LUZP2: variants seen among roughly 807,000 people sequenced by gnomAD.
The protein encoded by LUZP2 is leucine zipper protein 2.
In LUZP2, 52 loss-of-function variants were observed where a neutral mutation model predicts 51.6. The ratio of observed to expected loss-of-function variants is 1.01; its 90% CI spans 0.81 to 1.27. The LOEUF (loss-of-function observed/expected upper bound fraction) is 1.27, where lower values mean the gene tolerates loss of function less well. Among genes scored for constraint, LUZP2 ranks in the 50% most tolerant of loss-of-function variants. The pLI is 0.00. For synonymous variants in LUZP2, 154 were observed against 137.3 expected (o/e 1.12, Z -0.85); for missense variants, 436 against 395.4 (o/e 1.10, Z -0.87).
chr11:24,936,710 C>T (rs2133842530), intron 7 of LUZP2, among the ~76,000 whole-genome samples: 1 of 152,024 alleles, frequency 6.6e-6, no homozygotes, highest in East Asian at 1.9e-4. Flanking sequence ...TTTCTATAGT[C>T]TTTGTTTCTA....
intron 1 of LUZP2, among the ~76,000 whole-genome samples, chr11:24,639,183 T>C (rs2133941710): frequency 6.6e-6 from 1 of 151,986 alleles, no homozygotes; most frequent in Admixed American, 6.5e-5. Flanking sequence ...TTCACTAAAG[T>C]AGAATCATTT....
chr11:24,897,985 T>G (rs971811602), intron 5 of LUZP2, among the ~76,000 whole-genome samples: 2 of 152,200 alleles, frequency 1.3e-5, no homozygotes, highest in African/African-American at 4.8e-5. Flanking sequence ...GAAATTTGTA[T>G]AGTACACTAT....
chr11:24,708,562 G>A (rs1452548927), intron 1 of LUZP2, among the ~76,000 whole-genome samples: 1 of 152,144 alleles, frequency 6.6e-6, no homozygotes, highest in African/African-American at 2.4e-5. Flanking sequence ...GGCACAGCGA[G>A]TATAGTGCAA....
chr11:24,897,793 T>A (rs1288422380), intron 5 of LUZP2, among the ~76,000 whole-genome samples: 1 of 152,222 alleles, frequency 6.6e-6, no homozygotes, highest in African/African-American at 2.4e-5. Flanking sequence ...TTTATGTTTT[T>A]GTCCTTTTTT....
At chr11:24,719,697 A>G (rs186218427) in intron 1 of LUZP2, among the ~76,000 whole-genome samples, 196 of 152,210 alleles carry the variant, frequency 1.3e-3, no homozygotes, top group Non-Finnish European at 1.6e-3. Flanking sequence ...TATTTACCTG[A>G]CTCTTGAATC....
rs551378011 is a variant in LUZP2 at position 24,503,041 on chromosome 11, C to T, written c.62+5736C>T. ...ATAGTATTGACATTTTTTTTTACTA[C>T]GGAGAACAAATTAAGAATCACTGAT... On this transcript the variant is annotated intron_variant, in intron 1 of 11. Transcript: ENST00000336930. Among the ~76,000 whole-genome samples, 6 of 151,910 alleles carry T rather than the reference C, an allele frequency of 3.9e-5. No individual in the cohort carries two copies. In the South Asian group the frequency reaches 6.2e-4, roughly 16 times the overall value.
At chr11:24,543,056 A>T (rs1030294424) in intron 1 of LUZP2, among the ~76,000 whole-genome samples, 4 of 151,950 alleles carry the variant, frequency 2.6e-5, no homozygotes, top group Non-Finnish European at 5.9e-5. Flanking sequence ...TGTTCATAAC[A>T]CTTTGGGGAA....
chr11:24,738,340 C>A, intron 4 of LUZP2, 38 bp downstream of exon 4: 1 of 1,447,290 alleles, frequency 6.9e-7, no homozygotes, highest in Non-Finnish European at 9.7e-7. Flanking sequence ...TGCTTTTGGG[C>A]TGGGACATTG....
At chr11:24,969,332 T>C (rs933503479) in intron 7 of LUZP2, among the ~76,000 whole-genome samples, 1 of 152,194 alleles carries the variant, frequency 6.6e-6, no homozygotes, top group African/African-American at 2.4e-5. Flanking sequence ...TCAAGAAATA[T>C]AAATATCTAA....
chr11:24,734,587 C>A (rs1287981220), intron 3 of LUZP2, among the ~76,000 whole-genome samples: 1 of 151,632 alleles, frequency 6.6e-6, no homozygotes, highest in Non-Finnish European at 1.5e-5. Context: ...ATGGAAGACT[C>A]AATAAATTAT....
intron 5 of LUZP2, among the ~76,000 whole-genome samples, chr11:24,783,116 G>A (rs554909409): frequency 1.8e-4 from 27 of 151,976 alleles, no homozygotes; most frequent in Admixed American, 8.5e-4. Context: ...ATAAATAACT[G>A]CCTCTTTTAA....
Position 25,082,033 on chromosome 11 carries a change from A to G in LUZP2, c.*3375A>G, listed in dbSNP as rs1285686900. The G allele has an allele frequency of 6.6e-6, 1 of 152,338 alleles. No homozygotes were observed. The highest frequency in any genetic ancestry group is 1.5e-5 in the Non-Finnish European group (1 of 67,996). The allele number at this position is 152,338 out of a possible 1,614,324, so 9.4% of individuals were successfully genotyped here. On this transcript the variant is annotated 3_prime_UTR_variant, in exon 12 of 12. Transcript: ENST00000336930. ...TATGTAAACTGAACCTGTTCCTAAA[A>G]TGCATTAAACTTGAATGCTGTGTCT...
At chr11:24,645,291 G>C (rs870382) in intron 1 of LUZP2, among the ~76,000 whole-genome samples, 74,017 of 151,954 alleles carry the variant, frequency 0.49, 19,745 homozygotes, top group East Asian at 0.84. Flanking sequence ...AAGAGGGAGA[G>C]AAAGAGAGTT....
chr11:24,950,178 A>T (rs1410504346), intron 7 of LUZP2, among the ~76,000 whole-genome samples: 2 of 151,290 alleles, frequency 1.3e-5, no homozygotes, highest in African/African-American at 4.8e-5. Context: ...ATCAATGATG[A>T]ATGGATGGGT....
intron 5 of LUZP2, among the ~76,000 whole-genome samples, chr11:24,870,699 C>G (rs979154223): frequency 2.6e-5 from 4 of 152,046 alleles, no homozygotes; most frequent in Non-Finnish European, 4.4e-5. Flanking sequence ...GAAATTTGGT[C>G]TATTTTTATT....
intron 1 of LUZP2, among the ~76,000 whole-genome samples, chr11:24,707,068 T>A (rs1192973105): frequency 6.6e-6 from 1 of 151,840 alleles, no homozygotes; most frequent in Non-Finnish European, 1.5e-5. Context: ...TATATATAAC[T>A]ATTTACTCAT....
chr11:25,031,677 A>T (rs972633338), intron 9 of LUZP2, among the ~76,000 whole-genome samples: 3 of 150,964 alleles, frequency 2.0e-5, no homozygotes, highest in South Asian at 4.2e-4. Context: ...CAGCTTTTAA[A>T]TTTTTTTTTG....
chr11:24,839,952 C>G (rs115465313), intron 5 of LUZP2, among the ~76,000 whole-genome samples: 1,758 of 151,782 alleles, frequency 0.012, 39 homozygotes, highest in African/African-American at 0.04. Flanking sequence ...ATTATTCTCT[C>G]AAATATCATG....
At chr11:25,077,497 T>G in intron 11 of LUZP2, 91 bp downstream of exon 11, 1 of 475,068 alleles carries the variant, frequency 2.1e-6, no homozygotes, top group Non-Finnish European at 3.0e-6. Context: ...TATTTTTTAT[T>G]TTTTATTTAT....
Sources: gnomAD v4.1 joint callset for allele counts (sites outside exome capture counted in the v4.1 genomes callset) on GRCh38, gnomAD v4.1.1 for gene constraint, MANE v1.5 for transcripts, NCBI Gene and HGNC (gene_info 2026-07-23, HGNC 2026-07-21) for gene names.